EFNA5: variants seen among roughly 807,000 people sequenced by gnomAD.
The protein encoded by EFNA5 is ephrin A5.
In EFNA5, 5 loss-of-function variants were observed where a neutral mutation model predicts 22.9. That is an observed-to-expected ratio of 0.22 (90% confidence interval 0.11 to 0.46). EFNA5 has a LOEUF of 0.46. EFNA5 is among the 20% of genes least tolerant of loss of function. The probability of loss-of-function intolerance (pLI) is 0.99; values close to 1 mark genes in which losing one functional copy is unlikely to be tolerated. For missense variants in EFNA5, 237 were observed against 293.3 expected (o/e 0.81, Z 1.40); for synonymous variants, 113 against 112.2 (o/e 1.01, Z -0.04).
At chr5:107,507,240 A>T (rs528095333) in intron 1 of EFNA5, among the ~76,000 whole-genome samples, 1 of 152,332 alleles carries the variant, frequency 6.6e-6, no homozygotes, top group East Asian at 1.9e-4. Context: ...AAGTTAAATG[A>T]TCACCTCCAG....
intron 1 of EFNA5, among the ~76,000 whole-genome samples, chr5:107,586,787 A>G (rs150727338): frequency 6.6e-5 from 10 of 152,338 alleles, no homozygotes; most frequent in African/African-American, 2.4e-4. Context: ...AAAATGGGTT[A>G]TTTTAAGGAA....
rs199698750 is a variant in EFNA5, at chr5:107,670,279, CA to C, written c.125+209del. Among the ~76,000 whole-genome samples, 1,297 of 152,220 alleles carry C rather than the reference CA, an allele frequency of 8.5e-3. 28 individuals are homozygous for C. Among genetic ancestry groups the C allele is most frequent in the African/African-American group, 0.029 (1,192 of 41,556 alleles). On this transcript the variant is annotated intron_variant, in intron 1 of 4. Transcript: ENST00000333274. ...TGGTCTAGGCAGCCCCGGGGACTCC[CA>C]GGGGTACCTGGCCTTTCCGCGGCGG...
chr5:107,607,576 T>C (rs534163447), intron 1 of EFNA5, among the ~76,000 whole-genome samples: 275 of 152,350 alleles, frequency 1.8e-3, no homozygotes, highest in African/African-American at 6.4e-3. Flanking sequence ...TGCTACTGTT[T>C]AAATCAATAC....
chr5:107,523,730 A>C (rs1747641223), intron 1 of EFNA5, among the ~76,000 whole-genome samples: 1 of 152,208 alleles, frequency 6.6e-6, no homozygotes, highest in African/African-American at 2.4e-5. Flanking sequence ...TTCCTTTTTG[A>C]AATAAATCCC....
At chr5:107,469,649 C>T (rs1429116944) in intron 1 of EFNA5, among the ~76,000 whole-genome samples, 1 of 151,676 alleles carries the variant, frequency 6.6e-6, no homozygotes, top group African/African-American at 2.4e-5. Context: ...GAAGTTACTG[C>T]CCCCCCTTTA....
intron 1 of EFNA5, among the ~76,000 whole-genome samples, chr5:107,579,862 T>C (rs1316106323): frequency 6.6e-6 from 1 of 152,232 alleles, no homozygotes; most frequent in African/African-American, 2.4e-5. Context: ...AAGATCTCTT[T>C]CTAGTTCTTT....
intron 1 of EFNA5, among the ~76,000 whole-genome samples, chr5:107,596,629 T>G (rs1749478369): frequency 6.6e-6 from 1 of 152,104 alleles, no homozygotes; most frequent in South Asian, 2.1e-4. Context: ...AGTAATTTAT[T>G]AATAATTTTG....
rs1747305851 is a variant in EFNA5, at chr5:107,377,746, AAC to A, written c.*3507_*3508del. 6.6e-6 allele frequency: 1 copy of A among 152,286 alleles called. No homozygotes were observed. Among genetic ancestry groups the A allele is most frequent in the African/African-American group, 2.4e-5 (1 of 41,472 alleles). 9.4% of individuals were successfully genotyped at this position (152,286 alleles called of 1,614,324 possible). ...AAAGACTCTTCCTGGGAAAAAATAA[AAC>A]AGTCCATGAAAACAATCACAAACAG... On this transcript the variant is annotated 3_prime_UTR_variant, in exon 5 of 5. Coordinates refer to ENST00000333274, the MANE Select transcript of EFNA5 (RefSeq NM_001962.3).
chr5:107,632,904 C>T (rs1040008489), intron 1 of EFNA5, among the ~76,000 whole-genome samples: 1 of 152,178 alleles, frequency 6.6e-6, no homozygotes, highest in African/African-American at 2.4e-5. Context: ...AATAACTCCA[C>T]CAAGATTGCA....
At chr5:107,529,485 T>TG (rs1747765865) in intron 1 of EFNA5, among the ~76,000 whole-genome samples, 1 of 152,152 alleles carries the variant, frequency 6.6e-6, no homozygotes, top group Non-Finnish European at 1.5e-5. Context: ...AGAAGCTGCC[T>TG]GGACACTCCA....
chr5:107,620,599 C>T (rs1457741686), intron 1 of EFNA5, among the ~76,000 whole-genome samples: 1 of 152,106 alleles, frequency 6.6e-6, no homozygotes, highest in Admixed American at 6.5e-5. Flanking sequence ...CATAAGATAA[C>T]ACTGCAAAAG....
chr5:107,401,434 A>T (rs771758084), intron 2 of EFNA5, among the ~76,000 whole-genome samples: 2 of 152,224 alleles, frequency 1.3e-5, no homozygotes, highest in Admixed American at 6.5e-5. Flanking sequence ...GGTGTAACTC[A>T]TATTTCTATT....
intron 1 of EFNA5, among the ~76,000 whole-genome samples, chr5:107,471,241 G>A (rs554610209): frequency 1.3e-5 from 2 of 152,050 alleles, no homozygotes; most frequent in Non-Finnish European, 2.9e-5. Flanking sequence ...TCTGTAACCT[G>A]GTCTTCTCAC....
chr5:107,595,872 A>G (rs1439936839), intron 1 of EFNA5, among the ~76,000 whole-genome samples: 1 of 152,210 alleles, frequency 6.6e-6, no homozygotes, highest in Non-Finnish European at 1.5e-5. Context: ...TACCCAATAA[A>G]TGATACCTAT....
intron 1 of EFNA5, among the ~76,000 whole-genome samples, chr5:107,516,599 C>A (rs1017761899): frequency 6.6e-6 from 1 of 152,190 alleles, no homozygotes; most frequent in Non-Finnish European, 1.5e-5. Context: ...ATACACTACA[C>A]ATATGGCCGT....
At position 107,601,009 on chromosome 5, in the gene EFNA5, C is replaced by T. The variant is rs77637840; in HGVS notation, c.125+69480G>A. On this transcript the variant is annotated intron_variant, in intron 1 of 4. Transcript: ENST00000333274. ...CAAGCAATGATCAAGTTCTTGTTAC[C>T]TTCAAACCTGGTAAATGTGAAAAAT... 6.2e-3 allele frequency among the ~76,000 whole-genome samples: 948 copies of T among 152,190 alleles called. 11 individuals are homozygous for T. The highest frequency in any genetic ancestry group is 0.022 in the African/African-American group (896 of 41,514).
intron 4 of EFNA5, among the ~76,000 whole-genome samples, chr5:107,384,035 G>C (rs971967675): frequency 1.3e-5 from 2 of 152,102 alleles, no homozygotes; most frequent in Non-Finnish European, 2.9e-5. Context: ...ATTCCACAAA[G>C]CATCCTTTGA....
intron 1 of EFNA5, among the ~76,000 whole-genome samples, chr5:107,545,220 G>A (rs983752117): frequency 6.6e-6 from 1 of 152,230 alleles, no homozygotes; most frequent in Admixed American, 6.5e-5. Context: ...GGGCTTGGCC[G>A]AAGGCCTTAG....
chr5:107,570,723 G>GA (rs1003417798), intron 1 of EFNA5, among the ~76,000 whole-genome samples: 32 of 151,890 alleles, frequency 2.1e-4, no homozygotes, highest in African/African-American at 7.5e-4. Flanking sequence ...CTCAGTTTCT[G>GA]AAAAAAAATT....
Sources: allele counts gnomAD v4.1 joint callset (sites outside exome capture counted in the v4.1 genomes callset), GRCh38; gene constraint gnomAD v4.1.1; transcripts MANE v1.5; gene names NCBI Gene and HGNC (gene_info 2026-07-23, HGNC 2026-07-21).